Variants in CRYAB observed in about 807,000 individuals in gnomAD.
The protein encoded by CRYAB is crystallin alpha B.
Under a neutral mutation model 12.7 loss-of-function variants are expected in CRYAB, and 9 were observed. The ratio of observed to expected loss-of-function variants is 0.71; its 90% CI spans 0.43 to 1.24. The LOEUF is 1.24. Ranked by LOEUF, CRYAB falls within the 50% of genes most tolerant of loss-of-function variation. CRYAB has a pLI of 0.00. For missense variants in CRYAB, 183 were observed against 226.6 expected (o/e 0.81, Z 1.24); for synonymous variants, 93 against 86.8 (o/e 1.07, Z -0.40).
At chr11:111,912,803 A>C (rs1965507766), upstream of CRYAB, 1 of 1,566,082 alleles carries the variant, frequency 6.4e-7, no homozygotes, top group Middle Eastern at 2.2e-4. Context: ...TGCACCTCGG[A>C]CCAGGGCTTC....
At chr11:111,917,126 A>T (rs1965608245), upstream of CRYAB, among the ~76,000 whole-genome samples, 1 of 152,182 alleles carries the variant, frequency 6.6e-6, no homozygotes, top group African/African-American at 2.4e-5. Flanking sequence ...AGTCTCCCAA[A>T]GCAGTGGGAT....
upstream of CRYAB, chr11:111,912,569 C>A: frequency 1.8e-6 from 1 of 540,674 alleles, no homozygotes; most frequent in Non-Finnish European, 3.3e-6. Context: ...CCTCAGCTGT[C>A]CTCTCAGGCC....
chr11:111,915,227 A>G (rs587774697), upstream of CRYAB, among the ~76,000 whole-genome samples: 26 of 152,308 alleles, frequency 1.7e-4, no homozygotes, highest in East Asian at 9.6e-4. Flanking sequence ...GGTTCCCACA[A>G]CTCTTAAGAC....
At chr11:111,920,257 C>T (rs1421500108) in intron 1 of CRYAB, among the ~76,000 whole-genome samples, 2 of 151,820 alleles carry the variant, frequency 1.3e-5, no homozygotes, top group Non-Finnish European at 2.9e-5. Flanking sequence ...CAGAAGTGGT[C>T]GGATGCAGTG....
intron 1 of CRYAB, chr11:111,918,559 T>C: frequency 2.0e-6 from 1 of 496,120 alleles, no homozygotes; most frequent in Non-Finnish European, 3.6e-6. Context: ...TAAACCTGAG[T>C]GGTGCTGAGC....
chr11:111,912,081 G>A (rs1965481317), upstream of CRYAB: 2 of 278,362 alleles, frequency 7.2e-6, no homozygotes, highest in Non-Finnish European at 1.4e-5. Flanking sequence ...CGGGGTGGGG[G>A]GAGGATGGGA....
upstream of CRYAB, chr11:111,913,762 A>G: frequency 6.2e-7 from 1 of 1,614,102 alleles, no homozygotes. Context: ...CTCTCCCATG[A>G]TGGCATCTTA....
In CRYAB at chr11:111,911,745, G is replaced by C; in HGVS notation, c.-21C>G. On this transcript the variant is annotated 5_prime_UTR_variant, in exon 1 of 3. Coordinates refer to ENST00000650687, the MANE Select transcript of CRYAB (RefSeq NM_001289808.2). The stretch of plus-strand genomic sequence containing the variant: ...TCCATGGTGGCTAGGTGAGTGTGAG[G>C]GGTCAGCTGGCTGGTCAGCTCCTTC... 1 of 1,542,274 alleles carries C rather than the reference G, an allele frequency of 6.5e-7. No homozygotes were observed. The highest frequency in any genetic ancestry group is 8.8e-7 in the Non-Finnish European group (1 of 1,133,510).
upstream of CRYAB, chr11:111,914,026 G>C: frequency 1.2e-6 from 1 of 824,154 alleles, no homozygotes; most frequent in Non-Finnish European, 1.9e-6. Flanking sequence ...GTATGGTTTG[G>C]TCCCATGGGA....
chr11:111,917,112 C>T (rs587703882), upstream of CRYAB, among the ~76,000 whole-genome samples: 1 of 152,292 alleles, frequency 6.6e-6, no homozygotes, highest in African/African-American at 2.4e-5. Flanking sequence ...GATCCTCTTG[C>T]CTCAGTCTCC....
intron 1 of CRYAB, chr11:111,918,774 G>A (rs1555166274): frequency 1.4e-6 from 1 of 692,502 alleles, no homozygotes; most frequent in African/African-American, 1.8e-5. Context: ...GAGCCCGTGT[G>A]TTGTTCTACC....
chr11:111,919,025 A>G, intron 1 of CRYAB: 1 of 1,614,074 alleles, frequency 6.2e-7, no homozygotes, highest in Non-Finnish European at 8.5e-7. Context: ...TGGAAGGGCA[A>G]AGGGGAACAT....
At chr11:111,912,608 G>A, upstream of CRYAB, 1 of 585,108 alleles carries the variant, frequency 1.7e-6, no homozygotes, top group Admixed American at 3.0e-5. Context: ...GTGTGCGGGG[G>A]AGGGGACTAG....
intron 1 of CRYAB, chr11:111,919,002 C>G (rs1166558074): frequency 2.5e-6 from 4 of 1,614,064 alleles, no homozygotes; most frequent in Admixed American, 1.7e-5. Flanking sequence ...GCGGAGGAAG[C>G]TGGTGAGTAG....
chr11:111,921,831 C>CA (rs1343388352), intron 1 of CRYAB, among the ~76,000 whole-genome samples: 1 of 143,700 alleles, frequency 7.0e-6, no homozygotes, highest in Admixed American at 7.1e-5. Flanking sequence ...ATTATATTAT[C>CA]ATACTCATTT....
In CRYAB at chr11:111,908,614, A is replaced by G. The variant is rs782491284; in HGVS notation, c.*150T>C. 8.6e-6 allele frequency: 6 copies of G among 697,796 alleles called. No homozygotes were observed. The highest frequency in any genetic ancestry group is 1.8e-5 in the African/African-American group (1 of 56,214). The allele number at this position is 697,796 out of a possible 1,614,324, so 43.2% of individuals were successfully genotyped here. On this transcript the variant is annotated 3_prime_UTR_variant, in exon 3 of 3. Coordinates refer to ENST00000650687, the MANE Select transcript of CRYAB (RefSeq NM_001289808.2). The stretch of plus-strand genomic sequence containing the variant: ...AAAGTGTGTGGAATATTCAAACACA[A>G]GACAGTTATCTGTTGCTGAATGATA...
upstream of CRYAB, chr11:111,911,867 A>T: frequency 1.5e-6 from 1 of 646,992 alleles, no homozygotes. Context: ...CCAGCAGTTC[A>T]TGGAGACTTG....
In CRYAB at chr11:111,911,595, G is replaced by A. The variant is rs782720245; in HGVS notation, c.130C>T (p.Leu44=). ...GGTGGCCGAAGGTAGAAGGGACTCA[G>A]GGAAGTAGACGTCGGGAAAAGATCA... ...ESDLFPTSTS[L]SPFYLRPPSF... is the part of the protein sequence containing the mutation. The change falls in exon 1 of 3, where the codon CTG becomes TTG. Residue 44 remains leucine (L), a synonymous_variant. Coordinates refer to ENST00000650687, the MANE Select transcript of CRYAB (RefSeq NM_001289808.2). The A allele has an allele frequency of 1.2e-6, 2 of 1,613,398 alleles. No individual in the cohort carries two copies. Among genetic ancestry groups the A allele is most frequent in the Non-Finnish European group, 1.7e-6 (2 of 1,179,806 alleles).
intron 2 of CRYAB, 96 bp from the exon 3 acceptor site, chr11:111,909,063 G>GACCAAAT: frequency 8.2e-7 from 1 of 1,224,508 alleles, no homozygotes; most frequent in Non-Finnish European, 1.2e-6. Context: ...CCTTAGGTGA[G>GACCAAAT]ACCAAATGCC....
Sources: allele counts gnomAD v4.1 joint callset (sites outside exome capture counted in the v4.1 genomes callset), GRCh38; gene constraint gnomAD v4.1.1; transcripts MANE v1.5; gene names NCBI Gene and HGNC (gene_info 2026-07-23, HGNC 2026-07-21).